Variants in CHN2 observed in about 807,000 individuals in gnomAD.
The protein encoded by CHN2 is chimerin 2.
In CHN2, 35 loss-of-function variants were observed where a neutral mutation model predicts 56.3. That is an observed-to-expected ratio of 0.62 (90% confidence interval 0.47 to 0.82). The LOEUF (loss-of-function observed/expected upper bound fraction) is 0.82, where lower values mean the gene tolerates loss of function less well. Ranked by LOEUF, CHN2 falls within the 40% of genes least tolerant of loss-of-function variation. CHN2 has a pLI of 0.00. For synonymous variants in CHN2, 210 were observed against 212.8 expected (o/e 0.99, Z 0.12); for missense variants, 491 against 580.5 (o/e 0.85, Z 1.58).
intron 2 of CHN2, among the ~76,000 whole-genome samples, chr7:29,150,450 A>G (rs1269311008): frequency 6.6e-6 from 1 of 152,206 alleles, no homozygotes; most frequent in African/African-American, 2.4e-5. Context: ...TATCCAAGAC[A>G]ACTAAATTGT....
At chr7:29,378,436 G>A (rs1026682550) in intron 3 of CHN2, among the ~76,000 whole-genome samples, 2 of 152,180 alleles carry the variant, frequency 1.3e-5, no homozygotes, top group African/African-American at 2.4e-5. Context: ...ATGCTTTTTC[G>A]TCTAGCATAG....
chr7:29,241,174 C>G (rs563689647), intron 1 of CHN2, among the ~76,000 whole-genome samples: 1 of 152,278 alleles, frequency 6.6e-6, no homozygotes, highest in South Asian at 2.1e-4. Context: ...GTGTGAGACA[C>G]AGTGCCTGGC....
chr7:29,292,838 AC>A lies in CHN2; in HGVS notation c.50-61785del. On this transcript the variant is annotated intron_variant, in intron 1 of 12. Coordinates refer to ENST00000222792, the MANE Select transcript of CHN2 (RefSeq NM_004067.4). ...TGATTATTTTTCTACTTTTGTTGTC[AC>A]CACCCTAGTCTTGGGGAAGAAAATA... is the stretch of plus-strand genomic sequence containing the variant. 6.6e-6 allele frequency: 3 copies of A among 451,712 alleles called. 1 individual carries two copies. Among genetic ancestry groups the A allele is most frequent in the South Asian group, 4.7e-5 (3 of 64,350 alleles). The allele number at this position is 451,712 out of a possible 1,614,324, so 28.0% of individuals were successfully genotyped here.
chr7:29,327,856 T>C (rs904209555), intron 1 of CHN2, among the ~76,000 whole-genome samples: 1 of 152,242 alleles, frequency 6.6e-6, no homozygotes, highest in Admixed American at 6.5e-5. Flanking sequence ...GCACTTATTT[T>C]TTATTCATTT....
intron 2 of CHN2, among the ~76,000 whole-genome samples, chr7:29,151,376 T>TTAA (rs1232485082): frequency 6.6e-6 from 1 of 152,114 alleles, no homozygotes; most frequent in Non-Finnish European, 1.5e-5. Context: ...TAGCAGCAGG[T>TTAA]GTTAAGGCTT....
At chr7:29,226,591 T>C (rs1262437999) in intron 1 of CHN2, among the ~76,000 whole-genome samples, 1 of 152,146 alleles carries the variant, frequency 6.6e-6, no homozygotes, top group Non-Finnish European at 1.5e-5. Context: ...GTTACATATA[T>C]AGCAACGTAG....
intron 1 of CHN2, among the ~76,000 whole-genome samples, chr7:29,242,393 G>A (rs1787751220): frequency 6.6e-6 from 1 of 152,164 alleles, no homozygotes; most frequent in African/African-American, 2.4e-5. Flanking sequence ...AAGGGCAATG[G>A]GAGCTGCACA....
intron 2 of CHN2, chr7:29,147,260 T>G: frequency 5.7e-6 from 2 of 348,004 alleles, no homozygotes; most frequent in South Asian, 6.6e-5. Context: ...GTCATCATTA[T>G]CAGCAACAGC....
intron 2 of CHN2, among the ~76,000 whole-genome samples, chr7:29,158,971 G>A (rs369427578): frequency 6.6e-5 from 10 of 152,242 alleles, no homozygotes; most frequent in South Asian, 4.1e-4. Flanking sequence ...TGCGGCAATC[G>A]AAATATCCTA....
chr7:29,368,335 A>C (rs550796031), intron 3 of CHN2, among the ~76,000 whole-genome samples: 2 of 152,300 alleles, frequency 1.3e-5, no homozygotes, highest in Non-Finnish European at 1.5e-5. Flanking sequence ...TAGAGAAAGT[A>C]CAGGGAATAA....
intron 1 of CHN2, among the ~76,000 whole-genome samples, chr7:29,224,907 T>C (rs1786075412): frequency 6.6e-6 from 1 of 152,322 alleles, no homozygotes; most frequent in African/African-American, 2.4e-5. Flanking sequence ...GAGAGAATGA[T>C]TCATAATGAG....
At chr7:29,155,976 C>T (rs1794317759) in intron 2 of CHN2, among the ~76,000 whole-genome samples, 1 of 152,138 alleles carries the variant, frequency 6.6e-6, no homozygotes, top group South Asian at 2.1e-4. Context: ...CAGCTGTGCC[C>T]CTTGGGCTGT....
intron 10 of CHN2, among the ~76,000 whole-genome samples, chr7:29,506,487 A>C (rs1322750344): frequency 6.6e-6 from 1 of 152,056 alleles, no homozygotes; most frequent in Non-Finnish European, 1.5e-5. Context: ...AAATACAAAA[A>C]TTAGCCAGGC....
At chr7:29,146,607 A>C in exon 1 of CHN2, 1 of 1,550,374 alleles carries the variant, frequency 6.5e-7, no homozygotes. Flanking sequence ...ACAGGGCAAA[A>C]AGTGCGTCGT....
intron 1 of CHN2, among the ~76,000 whole-genome samples, chr7:29,294,054 G>T (rs1298993472): frequency 6.6e-6 from 1 of 151,860 alleles, no homozygotes; most frequent in Non-Finnish European, 1.5e-5. Flanking sequence ...TTTTAGTAGA[G>T]ACGGGGTTTC....
At chr7:29,228,314 GTA>G (rs1562847805) in intron 1 of CHN2, among the ~76,000 whole-genome samples, 1 of 151,942 alleles carries the variant, frequency 6.6e-6, no homozygotes, top group Non-Finnish European at 1.5e-5. Context: ...AGTATTTTTA[GTA>G]TACCTTTCCC....
At chr7:29,403,613 A>G (rs1423684444) in intron 6 of CHN2, among the ~76,000 whole-genome samples, 1 of 152,120 alleles carries the variant, frequency 6.6e-6, no homozygotes, top group African/African-American at 2.4e-5. Context: ...CATGATTGTT[A>G]GCAGTAAACT....
At chr7:29,398,305 G>A in intron 4 of CHN2, 68 bp from the exon 5 acceptor site, 1 of 1,219,336 alleles carries the variant, frequency 8.2e-7, no homozygotes, top group Non-Finnish European at 1.2e-6. Flanking sequence ...ATCCTTTTAA[G>A]GCTAGTTCTT....
intron 1 of CHN2, among the ~76,000 whole-genome samples, chr7:29,218,704 C>CA (rs1259508603): frequency 2.0e-5 from 3 of 150,742 alleles, no homozygotes; most frequent in Admixed American, 6.6e-5. Context: ...ATCACAAGGA[C>CA]AAAAAACCAA....
Sources: gnomAD v4.1 joint callset for allele counts (sites outside exome capture counted in the v4.1 genomes callset) on GRCh38, gnomAD v4.1.1 for gene constraint, MANE v1.5 for transcripts, NCBI Gene and HGNC (gene_info 2026-07-23, HGNC 2026-07-21) for gene names.